LIMCH1: variants seen among roughly 807,000 people sequenced by gnomAD.
LIMCH1 encodes the protein LIM and calponin homology domains-containing protein 1.
A neutral mutation model predicts 176.5 loss-of-function variants in LIMCH1; 113 were observed. The observed-to-expected ratio is 0.64, with a 90% CI of 0.55 to 0.75. LIMCH1 has a LOEUF of 0.75. Ranked by LOEUF, LIMCH1 falls within the 30% of genes least tolerant of loss-of-function variation. The pLI is 0.00. For missense variants in LIMCH1, 1,674 were observed against 1,814.9 expected, an observed-to-expected ratio of 0.92 and a Z score of 1.41; for synonymous variants, 619 against 645.9, an observed-to-expected ratio of 0.96 and a Z score of 0.63.
intron 1 of LIMCH1, among the ~76,000 whole-genome samples, chr4:41,402,790 C>G (rs990652858): frequency 7.6e-6 from 1 of 132,102 alleles, no homozygotes; most frequent in African/African-American, 2.9e-5. Context: ...AACACATGGA[C>G]ACAGGAAGGG....
chr4:41,392,170 C>T (rs1190640409), intron 1 of LIMCH1, among the ~76,000 whole-genome samples: 2 of 152,010 alleles, frequency 1.3e-5, no homozygotes, highest in South Asian at 4.1e-4. Flanking sequence ...GGTAATACAG[C>T]AGTGAGAAAA....
At chr4:41,410,481 TG>T (rs1325428682) in intron 1 of LIMCH1, among the ~76,000 whole-genome samples, 1 of 152,218 alleles carries the variant, frequency 6.6e-6, no homozygotes, top group Non-Finnish European at 1.5e-5. Flanking sequence ...CCATTACTGT[TG>T]TTTTCTTCAA....
intron 4 of LIMCH1, among the ~76,000 whole-genome samples, chr4:41,608,857 C>A (rs931237605): frequency 3.9e-5 from 6 of 152,134 alleles, no homozygotes; most frequent in African/African-American, 1.4e-4. Context: ...CAGGATCTTT[C>A]TCTCATCTCT....
intron 13 of LIMCH1, among the ~76,000 whole-genome samples, chr4:41,637,912 G>A (rs1206157497): frequency 6.6e-6 from 1 of 152,182 alleles, no homozygotes; most frequent in Non-Finnish European, 1.5e-5. Context: ...CTGATCATGG[G>A]ACCAGGTAAT....
At chr4:41,666,971 G>A (rs1234180626) in intron 21 of LIMCH1, among the ~76,000 whole-genome samples, 1 of 152,100 alleles carries the variant, frequency 6.6e-6, no homozygotes, top group African/African-American at 2.4e-5. Flanking sequence ...GCTGGGTGTG[G>A]TGGCATGCGC....
At chr4:41,511,251 T>G (rs548459258) in intron 2 of LIMCH1, among the ~76,000 whole-genome samples, 4 of 152,242 alleles carry the variant, frequency 2.6e-5, no homozygotes, top group Non-Finnish European at 5.9e-5. Flanking sequence ...TTCCCTGCTT[T>G]GTATCTTTCT....
chr4:41,480,632 T>C (rs1259981185), intron 1 of LIMCH1, among the ~76,000 whole-genome samples: 1 of 152,124 alleles, frequency 6.6e-6, no homozygotes, highest in Non-Finnish European at 1.5e-5. Flanking sequence ...AAAATGTTTA[T>C]TCAAGCAGCA....
At chr4:41,627,415 A>C (rs1351592731) in intron 8 of LIMCH1, among the ~76,000 whole-genome samples, 1 of 152,182 alleles carries the variant, frequency 6.6e-6, no homozygotes, top group South Asian at 2.1e-4. Flanking sequence ...AGTCCATTCA[A>C]AGGAAGCAGA....
chr4:41,560,786 A>G (rs2081969777), intron 1 of LIMCH1, among the ~76,000 whole-genome samples: 1 of 152,164 alleles, frequency 6.6e-6, no homozygotes, highest in East Asian at 1.9e-4. Flanking sequence ...TGGGAGACCA[A>G]GGTAGATGGG....
chr4:41,594,449 G>C (rs900838733), intron 1 of LIMCH1, among the ~76,000 whole-genome samples: 9 of 152,164 alleles, frequency 5.9e-5, no homozygotes, highest in African/African-American at 2.2e-4. Flanking sequence ...ACTAAGTTTT[G>C]GGTTTTGCTG....
At chr4:41,365,866 C>T (rs2154093081) in intron 1 of LIMCH1, among the ~76,000 whole-genome samples, 1 of 152,334 alleles carries the variant, frequency 6.6e-6, no homozygotes, top group East Asian at 1.9e-4. Flanking sequence ...CCGGCATCTC[C>T]CTGGAAACCA....
intron 1 of LIMCH1, among the ~76,000 whole-genome samples, chr4:41,382,592 G>T (rs2055851148): frequency 6.6e-6 from 1 of 151,944 alleles, no homozygotes. Flanking sequence ...AAGGAGGGGA[G>T]GGCTTCCAGG....
intron 1 of LIMCH1, among the ~76,000 whole-genome samples, chr4:41,580,274 G>C (rs1018012698): frequency 6.6e-6 from 1 of 152,084 alleles, no homozygotes. Context: ...CTGAATCATG[G>C]CCACAAAGAA....
rs77220268 is a variant in LIMCH1, at chr4:41,689,816, G to T, written c.4275+181G>T. 2.0e-3 allele frequency: 960 copies of T among 476,736 alleles called. 5 individuals are homozygous for T. Among genetic ancestry groups the T allele is most frequent in the African/African-American group, 0.017 (867 of 52,048 alleles). 29.5% of individuals were successfully genotyped at this position (476,736 alleles called of 1,614,324 possible). The stretch of plus-strand genomic sequence containing the variant: ...TATCACGAATCCCTCTGGGATGTCA[G>T]ATTAGAAGAAGCAGAAAGGTTTGTG... On this transcript the variant is annotated intron_variant, in intron 30 of 31. Coordinates refer to ENST00000503057, the MANE Select transcript of LIMCH1 (RefSeq NM_001330672.2).
At chr4:41,583,678 A>T (rs1009091764) in intron 1 of LIMCH1, among the ~76,000 whole-genome samples, 9 of 152,180 alleles carry the variant, frequency 5.9e-5, no homozygotes, top group Non-Finnish European at 1.3e-4. Flanking sequence ...ACATAGAAAA[A>T]AATTGGAATA....
intron 1 of LIMCH1, among the ~76,000 whole-genome samples, chr4:41,430,610 C>A (rs1286458597): frequency 6.6e-6 from 1 of 152,184 alleles, no homozygotes; most frequent in African/African-American, 2.4e-5. Flanking sequence ...TTTGTTGTTT[C>A]ATTTCTCCAG....
intron 1 of LIMCH1, among the ~76,000 whole-genome samples, chr4:41,409,417 T>A (rs1022591947): frequency 2.6e-5 from 4 of 152,190 alleles, no homozygotes; most frequent in Admixed American, 1.3e-4. Flanking sequence ...ATTAACACTA[T>A]GACATTTCAA....
intron 1 of LIMCH1, among the ~76,000 whole-genome samples, chr4:41,413,698 C>G (rs1055356530): frequency 7.2e-5 from 11 of 152,050 alleles, no homozygotes; most frequent in Admixed American, 2.0e-4. Flanking sequence ...ATGTTAACAT[C>G]TTATGCCATT....
intron 1 of LIMCH1, among the ~76,000 whole-genome samples, chr4:41,470,154 C>G (rs2066739092): frequency 6.6e-6 from 1 of 152,176 alleles, no homozygotes; most frequent in Non-Finnish European, 1.5e-5. Flanking sequence ...GTTCACCATC[C>G]TCACTCTTCA....
Sources: allele counts gnomAD v4.1 joint callset (sites outside exome capture counted in the v4.1 genomes callset), GRCh38; gene constraint gnomAD v4.1.1; transcripts MANE v1.5; gene names NCBI Gene and HGNC (gene_info 2026-07-23, HGNC 2026-07-21).